The following SKP2 variants were observed in gnomAD, a reference collection of about 807,000 sequenced individuals.
The protein encoded by SKP2 is S-phase kinase-associated protein 2.
A neutral mutation model predicts 51.8 loss-of-function variants in SKP2; 16 were observed. The observed-to-expected ratio is 0.31, with a 90% CI of 0.21 to 0.47. The LOEUF (loss-of-function observed/expected upper bound fraction) is 0.47, where lower values mean the gene tolerates loss of function less well. SKP2 is among the 20% of genes least tolerant of loss of function. The pLI, the probability that SKP2 is intolerant of heterozygous loss-of-function variation, is 1.00. For synonymous variants in SKP2, 176 were observed against 198.6 expected, an observed-to-expected ratio of 0.89 and a Z score of 0.96; for missense variants, 377 against 505.3, an observed-to-expected ratio of 0.75 and a Z score of 2.43.
At chr5:36,160,426 CA>C (rs1745087184) in intron 2 of SKP2, among the ~76,000 whole-genome samples, 1 of 152,112 alleles carries the variant, frequency 6.6e-6, no homozygotes, top group Non-Finnish European at 1.5e-5. Flanking sequence ...TGCTGTAGCC[CA>C]TCAGGATAGT....
chr5:36,192,171 A>C (rs1746041114), intron 6 of SKP2, among the ~76,000 whole-genome samples: 1 of 152,210 alleles, frequency 6.6e-6, no homozygotes, highest in Admixed American at 6.5e-5. Flanking sequence ...TAGAAAACTT[A>C]ATAAGCCTTC....
At chr5:36,172,103 G>A (rs1355994882) in intron 7 of SKP2, among the ~76,000 whole-genome samples, 6 of 152,114 alleles carry the variant, frequency 3.9e-5, no homozygotes, top group Non-Finnish European at 4.4e-5. Context: ...TTGTCTGTAC[G>A]GGGACATTTG....
rs185200465 is a variant in SKP2 at position 36,156,862 on chromosome 5, T to A, written c.280+3820T>A. ...ATTCCTGAGATTCTGATCCGGGGAGTCCTGGCCTGAGTGAGCCTGGGAATC... is the reference window on the plus strand; with the variant it reads ...ATTCCTGAGATTCTGATCCGGGGAGACCTGGCCTGAGTGAGCCTGGGAATC... On this transcript the variant is annotated intron_variant, in intron 2 of 9. Transcript: ENST00000274255. Among the ~76,000 whole-genome samples the A allele has an allele frequency of 4.3e-3, 650 of 152,090 alleles. 1 individual carries two copies. Among genetic ancestry groups the A allele is most frequent in the Non-Finnish European group, 5.3e-3 (362 of 67,986 alleles).
downstream of SKP2, among the ~76,000 whole-genome samples, chr5:36,186,430 A>C (rs57472443): frequency 0.06 from 9,145 of 152,142 alleles, 976 homozygotes; most frequent in African/African-American, 0.21. Flanking sequence ...ATGCCCCATC[A>C]ATACCTTATT....
rs16902774 is a variant in SKP2 at position 36,168,139 on chromosome 5, A to G, written c.537-174A>G. ...CTCTTGCATTTTAAAATGAATGAAG[A>G]TGGGAATACACTAGTAGCAATATGT... On this transcript the variant is annotated intron_variant, in intron 4 of 9. Coordinates refer to ENST00000274255, the MANE Select transcript of SKP2 (RefSeq NM_005983.4). 9.6e-3 allele frequency among the ~76,000 whole-genome samples: 1,460 copies of G among 152,350 alleles called. 13 individuals carry two copies. Among genetic ancestry groups the G allele is most frequent in the African/African-American group, 0.033 (1,366 of 41,576 alleles).
chr5:36,174,404 C>T (rs899509613), intron 7 of SKP2, among the ~76,000 whole-genome samples: 13 of 152,138 alleles, frequency 8.5e-5, no homozygotes, highest in Non-Finnish European at 1.8e-4. Flanking sequence ...ATGTTTCGTT[C>T]TTTCTCCAGT....
At chr5:36,168,992 G>A (rs1745381952) in intron 5 of SKP2, among the ~76,000 whole-genome samples, 1 of 152,188 alleles carries the variant, frequency 6.6e-6, no homozygotes, top group South Asian at 2.1e-4. Flanking sequence ...AACCAGTCTA[G>A]GTAAAACTTC....
Position 36,154,558 on chromosome 5 carries a change from G to A in SKP2, c.280+1516G>A, listed in dbSNP as rs545836549. Among the ~76,000 whole-genome samples the A allele has an allele frequency of 1.1e-4, 17 of 152,198 alleles. No homozygotes were observed. The South Asian group carries it at 2.7e-3, about 24-fold the overall frequency. On this transcript the variant is annotated intron_variant, in intron 2 of 9. Coordinates refer to ENST00000274255, the MANE Select transcript of SKP2 (RefSeq NM_005983.4). Reference sequence around the variant, plus strand: ...TTTTTAAATTTCATATTTTCAAGACGGAGTCTTGCTCTGTTGCCCAGGCTG... The same window carrying A: ...TTTTTAAATTTCATATTTTCAAGACAGAGTCTTGCTCTGTTGCCCAGGCTG...
At chr5:36,164,039 C>T (rs1252272026) in intron 3 of SKP2, among the ~76,000 whole-genome samples, 1 of 152,072 alleles carries the variant, frequency 6.6e-6, no homozygotes, top group African/African-American at 2.4e-5. Flanking sequence ...GCTTTAAGTG[C>T]GGAGAGAGTT....
chr5:36,180,197 T>A (rs1745760529), intron 9 of SKP2: 3 of 1,103,240 alleles, frequency 2.7e-6, no homozygotes, highest in Non-Finnish European at 3.8e-6. Flanking sequence ...TTTGGCTAAT[T>A]TGGATATACC....
intron 6 of SKP2, among the ~76,000 whole-genome samples, chr5:36,190,225 TC>T (rs1333295398): frequency 3.2e-3 from 11 of 3,492 alleles, no homozygotes; most frequent in Non-Finnish European, 4.0e-3. Flanking sequence ...GCACCCACTG[TC>T]CTGCACCCAC....
At chr5:36,178,850 G>A (rs1745715596) in intron 9 of SKP2, among the ~76,000 whole-genome samples, 1 of 152,018 alleles carries the variant, frequency 6.6e-6, no homozygotes, top group African/African-American at 2.4e-5. Context: ...GAGGCGAGGG[G>A]AAGGCTGTGA....
At position 36,182,040 on chromosome 5, in the gene SKP2, T is replaced by C; in HGVS notation, c.*9T>C. The C allele has an allele frequency of 1.2e-6, 2 of 1,613,674 alleles. No individual in the cohort carries two copies. The highest frequency in any genetic ancestry group is 1.7e-6 in the Non-Finnish European group (2 of 1,179,694). ...AGCCCAGTTGTCTATGAAGTATTTA[T>C]TGCAGGATGGTGTCTCTTCTTTAGA... On this transcript the variant is annotated 3_prime_UTR_variant, in exon 10 of 10. Coordinates refer to ENST00000274255, the MANE Select transcript of SKP2 (RefSeq NM_005983.4).
intron 9 of SKP2, 177 bp downstream of exon 9, chr5:36,177,469 G>A (rs757569428): frequency 2.9e-6 from 2 of 693,772 alleles, no homozygotes; most frequent in South Asian, 2.9e-5. Context: ...AAATTGAGTT[G>A]ATCCAGATTG....
At position 36,182,213 on chromosome 5, in the gene SKP2, GCTT is replaced by G; in HGVS notation, c.*185_*187del. On this transcript the variant is annotated 3_prime_UTR_variant, in exon 10 of 10. Coordinates refer to ENST00000274255, the MANE Select transcript of SKP2 (RefSeq NM_005983.4). ...CTTGCTTTTTGAAATGATTCTAAAA[GCTT>G]CTATCACTGCTTTGCTCTTAAGAGC... is the stretch of plus-strand genomic sequence containing the variant. 1 of 1,406,480 alleles carries G rather than the reference GCTT, an allele frequency of 7.1e-7. No homozygotes were observed. Among genetic ancestry groups the G allele is most frequent in the Non-Finnish European group, 9.2e-7 (1 of 1,084,122 alleles). The allele number at this position is 1,406,480 out of a possible 1,614,324, so 87.1% of individuals were successfully genotyped here.
chr5:36,183,081 C>A lies in SKP2; in HGVS notation c.*1050C>A, dbSNP rs980372414. On this transcript the variant is annotated 3_prime_UTR_variant, in exon 10 of 10. Coordinates refer to ENST00000274255, the MANE Select transcript of SKP2 (RefSeq NM_005983.4). ...CAGACCTACAGTTCCCTAAGAGGAA[C>A]TGCATGTTCTCTTCAATCAGAAATA... The A allele has an allele frequency of 3.1e-6, 3 of 982,906 alleles. No homozygotes were observed. The highest frequency in any genetic ancestry group is 6.2e-5 in the Admixed American group (1 of 16,260). The allele number at this position is 982,906 out of a possible 1,614,324, so 60.9% of individuals were successfully genotyped here.
At position 36,152,221 on chromosome 5, in the gene SKP2, C is replaced by T. The variant is rs1228547088; in HGVS notation, c.-42C>T. ...GGAATCTGGGAGGCGAGCAGCTCTG[C>T]AGTTAATGCACGTATTTTAAACTCC... On this transcript the variant is annotated 5_prime_UTR_variant, in exon 1 of 10. Coordinates refer to ENST00000274255, the MANE Select transcript of SKP2 (RefSeq NM_005983.4). 1.2e-6 allele frequency: 2 copies of T among 1,610,596 alleles called. No homozygotes were observed. The highest frequency in any genetic ancestry group is 1.7e-6 in the Non-Finnish European group (2 of 1,177,054).
At chr5:36,166,260 A>G (rs1039687130) in intron 3 of SKP2, among the ~76,000 whole-genome samples, 17 of 152,220 alleles carry the variant, frequency 1.1e-4, no homozygotes, top group Admixed American at 2.6e-4. Flanking sequence ...CGGCAGTGCT[A>G]ATGTTCACAT....
chr5:36,162,457 T>C (rs938491564), intron 2 of SKP2, among the ~76,000 whole-genome samples: 1 of 152,220 alleles, frequency 6.6e-6, no homozygotes, highest in African/African-American at 2.4e-5. Flanking sequence ...CTCTCTGTTC[T>C]CTCCCTTGCC....
Sources: allele counts gnomAD v4.1 joint callset (sites outside exome capture counted in the v4.1 genomes callset), GRCh38; gene constraint gnomAD v4.1.1; transcripts MANE v1.5; gene names NCBI Gene and HGNC (gene_info 2026-07-23, HGNC 2026-07-21).